The following POC5 variants were observed in gnomAD, a reference collection of about 807,000 sequenced individuals.
The protein encoded by POC5 is POC5 centriolar protein.
Under a neutral mutation model 62.9 loss-of-function variants are expected in POC5, and 48 were observed. The ratio of observed to expected loss-of-function variants is 0.76; its 90% CI spans 0.61 to 0.97. The LOEUF is 0.97. Ranked by LOEUF, POC5 falls within the 50% of genes least tolerant of loss-of-function variation. POC5 has a pLI of 0.00. For synonymous variants in POC5, 236 were observed against 228.2 expected (o/e 1.03, Z -0.31); for missense variants, 696 against 679.5 (o/e 1.02, Z -0.27).
chr5:75,703,210 A>T (rs1320413775), intron 4 of POC5, among the ~76,000 whole-genome samples: 1 of 152,246 alleles, frequency 6.6e-6, no homozygotes, highest in Non-Finnish European at 1.5e-5. Flanking sequence ...AATAGGTATT[A>T]TTATCTCCAT....
At chr5:75,691,839 C>A (rs1003483805) in intron 7 of POC5, among the ~76,000 whole-genome samples, 5 of 152,010 alleles carry the variant, frequency 3.3e-5, no homozygotes, top group African/African-American at 1.2e-4. Context: ...TACTGATATA[C>A]CAACTCAGCT....
At chr5:75,696,661 C>T (rs1197948072) in intron 5 of POC5, among the ~76,000 whole-genome samples, 2 of 152,230 alleles carry the variant, frequency 1.3e-5, no homozygotes, top group African/African-American at 2.4e-5. Flanking sequence ...GACTCTCCTC[C>T]TCCAAAGGAT....
At chr5:75,713,525 G>A (rs1309332427) in intron 1 of POC5, among the ~76,000 whole-genome samples, 4 of 152,206 alleles carry the variant, frequency 2.6e-5, no homozygotes, top group Non-Finnish European at 5.9e-5. Context: ...CATTGGTGAG[G>A]AATGTAAAAT....
intron 2 of POC5, chr5:75,712,411 G>A: frequency 6.2e-7 from 1 of 1,612,746 alleles, no homozygotes; most frequent in Non-Finnish European, 8.5e-7. Flanking sequence ...CAGGTCCTGG[G>A]CAGCAGATTG....
intron 10 of POC5, among the ~76,000 whole-genome samples, chr5:75,678,642 T>TGTATTATG: frequency 6.6e-6 from 1 of 152,282 alleles, no homozygotes. Context: ...AGACCTGCTA[T>TGTATTATG]AGTTCTTAAT....
intron 7 of POC5, 115 bp downstream of exon 7, chr5:75,692,281 C>T (rs1375522327): frequency 1.5e-6 from 1 of 663,216 alleles, no homozygotes; most frequent in Non-Finnish European, 2.3e-6. Flanking sequence ...ATAAGAGGAA[C>T]ATTAAATCAC....
rs77184670 is a variant in POC5 at position 75,685,519 on chromosome 5, C to T, written c.1130-35G>A. 1.7e-3 allele frequency: 2,758 copies of T among 1,576,570 alleles called. 46 individuals carry two copies. In the African/African-American group the frequency reaches 0.034, roughly 19 times the overall value. ...ACAAATTAATTCCATTCAAATTCTTCCAGGTTAGGACTACTATTATCTTCC... is the reference window on the plus strand; with the variant it reads ...ACAAATTAATTCCATTCAAATTCTTTCAGGTTAGGACTACTATTATCTTCC... On this transcript the variant is annotated intron_variant, in intron 9 of 11. Transcript: ENST00000428202.
chr5:75,693,786 C>A (rs1008693747), intron 6 of POC5, among the ~76,000 whole-genome samples: 5 of 152,166 alleles, frequency 3.3e-5, no homozygotes, highest in African/African-American at 1.2e-4. Context: ...ACTCTCCTAT[C>A]CATAAGTGGA....
At chr5:75,696,381 GC>G (rs1776588057) in intron 5 of POC5, among the ~76,000 whole-genome samples, 1 of 152,124 alleles carries the variant, frequency 6.6e-6, no homozygotes, top group Non-Finnish European at 1.5e-5. Context: ...CGGGCAGCCT[GC>G]CTCAAGTGGG....
chr5:75,692,420 G>T lies in POC5; in HGVS notation c.771C>A (p.Ile257=), dbSNP rs371551729. The change falls in exon 7 of 12, where the codon ATC becomes ATA. Residue 257 remains isoleucine (I), a synonymous_variant. Coordinates refer to ENST00000428202, the MANE Select transcript of POC5 (RefSeq NM_001099271.2). ...CATCCTGTCTGGCTCTGACATGGCC[G>T]ATTCGCCAGTGGAAGAATGTTCTCA... ...ELMRTFFHWR[I]GHVRARQDVY... The T allele has an allele frequency of 6.3e-7, 1 of 1,592,042 alleles. No homozygotes were observed.
rs531314859 is a variant in POC5, at chr5:75,699,680, C to T, written c.513+2925G>A. Among the ~76,000 whole-genome samples the T allele has an allele frequency of 1.0e-3, 147 of 143,920 alleles. 3 individuals carry two copies. The highest frequency in any genetic ancestry group is 7.4e-3 in the Admixed American group (105 of 14,218). The allele number at this position is 143,920 out of a possible 152,430, so 94.4% of individuals were successfully genotyped here. The stretch of plus-strand genomic sequence containing the variant: ...TACAAGACAGGGATGCCCTCTCTCA[C>T]CACTCCTATTCAACATAGTGTTGGA... On this transcript the variant is annotated intron_variant, in intron 5 of 11. Transcript: ENST00000428202.
At chr5:75,703,682 T>C (rs1776996437) in intron 4 of POC5, among the ~76,000 whole-genome samples, 1 of 151,980 alleles carries the variant, frequency 6.6e-6, no homozygotes, top group Non-Finnish European at 1.5e-5. Flanking sequence ...AGAAAGAGAC[T>C]CATAATTTAG....
chr5:75,691,329 GAGAA>G (rs547698889), intron 7 of POC5, among the ~76,000 whole-genome samples: 136 of 152,224 alleles, frequency 8.9e-4, no homozygotes, highest in African/African-American at 3.2e-3. Flanking sequence ...ATTCTTAAAG[GAGAA>G]ATCTTATTCC....
intron 8 of POC5, 100 bp downstream of exon 8, chr5:75,690,283 C>T (rs2112116832): frequency 8.7e-7 from 1 of 1,152,020 alleles, no homozygotes; most frequent in African/African-American, 1.6e-5. Flanking sequence ...TGTCTGCATT[C>T]TTGATTAAAG....
chr5:75,676,079 G>A (rs752220794), intron 11 of POC5, among the ~76,000 whole-genome samples: 1 of 152,194 alleles, frequency 6.6e-6, no homozygotes, highest in South Asian at 2.1e-4. Context: ...TGGGAGATAA[G>A]TATCAGAAAC....
chr5:75,674,629 T>C, intron 11 of POC5, 51 bp from the exon 12 acceptor site: 4 of 1,564,756 alleles, frequency 2.6e-6, no homozygotes, highest in Non-Finnish European at 1.7e-6. Flanking sequence ...ATGTATACTA[T>C]GTATCATTTC....
intron 10 of POC5, among the ~76,000 whole-genome samples, chr5:75,680,578 T>C (rs1316417459): frequency 1.3e-5 from 2 of 152,126 alleles, no homozygotes; most frequent in Admixed American, 6.6e-5. Flanking sequence ...CTTGTACTTG[T>C]TAATGTTTAT....
chr5:75,705,323 A>C (rs1580055102), intron 4 of POC5: 1 of 157,300 alleles, frequency 6.4e-6, no homozygotes, highest in East Asian at 1.9e-4. Flanking sequence ...ATGGCGTAAC[A>C]GGTGGCATAA....
intron 10 of POC5, among the ~76,000 whole-genome samples, chr5:75,683,527 A>G (rs113896747): frequency 6.6e-6 from 1 of 151,844 alleles, no homozygotes; most frequent in Non-Finnish European, 1.5e-5. Context: ...GCCGCCGCGC[A>G]TGGCTTTTTT....
Sources: gnomAD v4.1 joint callset for allele counts (sites outside exome capture counted in the v4.1 genomes callset) on GRCh38, gnomAD v4.1.1 for gene constraint, MANE v1.5 for transcripts, NCBI Gene and HGNC (gene_info 2026-07-23, HGNC 2026-07-21) for gene names.